Variants in NRCAM observed in about 807,000 individuals in gnomAD.
The protein encoded by NRCAM is neuronal cell adhesion molecule.
A neutral mutation model predicts 156.5 loss-of-function variants in NRCAM; 83 were observed. The observed-to-expected ratio is 0.53, with a 90% CI of 0.44 to 0.64. The LOEUF is 0.64. Among genes scored for constraint, NRCAM ranks in the 30% least tolerant of loss-of-function variants. The pLI, the probability that NRCAM is intolerant of heterozygous loss-of-function variation, is 0.00. For missense variants in NRCAM, 1,417 were observed against 1,597.3 expected (o/e 0.89, Z 1.92); for synonymous variants, 538 against 563.9 (o/e 0.95, Z 0.65).
intron 1 of NRCAM, among the ~76,000 whole-genome samples, chr7:108,420,588 G>C (rs959802655): frequency 2.0e-5 from 3 of 152,236 alleles, no homozygotes; most frequent in Admixed American, 1.3e-4. Context: ...AACATTTCCT[G>C]TCTCCGTAAG....
chr7:108,278,605 A>G (rs955390903), intron 3 of NRCAM, among the ~76,000 whole-genome samples: 1 of 152,218 alleles, frequency 6.6e-6, no homozygotes, highest in African/African-American at 2.4e-5. Context: ...TGTGAAGACC[A>G]TAGGAAAAGC....
At chr7:108,408,966 ATTAGGTGAATGGAGCCC>A (rs1472684648) in intron 1 of NRCAM, among the ~76,000 whole-genome samples, 1 of 152,160 alleles carries the variant, frequency 6.6e-6, no homozygotes, top group African/African-American at 2.4e-5. Context: ...GCAAAATGAA[ATTAGGTGAATGGAGCCC>A]TTAAGCTGGG....
At chr7:108,166,016 TTTTC>T (rs1201157952) in intron 30 of NRCAM, among the ~76,000 whole-genome samples, 1 of 152,232 alleles carries the variant, frequency 6.6e-6, no homozygotes, top group Non-Finnish European at 1.5e-5. Flanking sequence ...ACATGAACAT[TTTTC>T]TTTATTTTAG....
chr7:108,198,628 G>C (rs1477512656), intron 13 of NRCAM, among the ~76,000 whole-genome samples: 1 of 152,180 alleles, frequency 6.6e-6, no homozygotes, highest in Non-Finnish European at 1.5e-5. Context: ...AATAGCAAAA[G>C]CTAGTAAAAA....
At chr7:108,175,271 C>G in intron 28 of NRCAM, 51 bp downstream of exon 28, 2 of 1,484,788 alleles carry the variant, frequency 1.3e-6, no homozygotes, top group Non-Finnish European at 1.8e-6. Flanking sequence ...CCCCATGTTT[C>G]ACATTGCAAA....
At chr7:108,192,515 T>C (rs149659519) in intron 17 of NRCAM, among the ~76,000 whole-genome samples, 5 of 152,250 alleles carry the variant, frequency 3.3e-5, no homozygotes, top group Non-Finnish European at 5.9e-5. Context: ...CTGTCTTCCA[T>C]GAAACCAGTC....
chr7:108,368,387 A>G (rs1262060195), intron 2 of NRCAM, among the ~76,000 whole-genome samples: 3 of 152,168 alleles, frequency 2.0e-5, no homozygotes, highest in African/African-American at 7.2e-5. Context: ...GTCAGAAACC[A>G]TCTGACTTGC....
At chr7:108,352,310 A>T (rs980878024) in intron 2 of NRCAM, among the ~76,000 whole-genome samples, 2 of 152,238 alleles carry the variant, frequency 1.3e-5, no homozygotes, top group African/African-American at 4.8e-5. Context: ...TATTAAGAGC[A>T]TCTTAATTAC....
intron 28 of NRCAM, among the ~76,000 whole-genome samples, chr7:108,173,646 A>G (rs1443680919): frequency 6.6e-6 from 1 of 152,196 alleles, no homozygotes; most frequent in East Asian, 1.9e-4. Flanking sequence ...CCATATTAAA[A>G]TTAAGGTCAG....
chr7:108,272,649 A>G (rs2097405547), intron 3 of NRCAM, among the ~76,000 whole-genome samples: 1 of 151,904 alleles, frequency 6.6e-6, no homozygotes, highest in African/African-American at 2.4e-5. Context: ...TAGAATTTTG[A>G]TTTTAAAAAG....
chr7:108,154,546 G>C (rs1160395300), intron 32 of NRCAM, among the ~76,000 whole-genome samples: 3 of 151,966 alleles, frequency 2.0e-5, no homozygotes, highest in Non-Finnish European at 4.4e-5. Flanking sequence ...TGGTGGAGGA[G>C]AGAATCAACA....
intron 4 of NRCAM, among the ~76,000 whole-genome samples, chr7:108,238,942 TAATA>T (rs969397176): frequency 5.3e-5 from 8 of 151,856 alleles, no homozygotes; most frequent in East Asian, 1.9e-4. Context: ...ATAATAATAA[TAATA>T]AATAAATAAA....
chr7:108,397,501 G>T (rs1239136535), intron 2 of NRCAM, among the ~76,000 whole-genome samples: 1 of 152,170 alleles, frequency 6.6e-6, no homozygotes, highest in Non-Finnish European at 1.5e-5. Context: ...CTCAAACAGT[G>T]CAGGCTCTGT....
At chr7:108,299,452 T>C (rs566373964) in intron 3 of NRCAM, among the ~76,000 whole-genome samples, 4 of 152,258 alleles carry the variant, frequency 2.6e-5, no homozygotes, top group African/African-American at 7.2e-5. Flanking sequence ...TCCAAGAATT[T>C]TTTTTCAGAT....
chr7:108,242,799 G>A (rs914861926), intron 3 of NRCAM, among the ~76,000 whole-genome samples: 5 of 152,120 alleles, frequency 3.3e-5, no homozygotes, highest in South Asian at 2.1e-4. Flanking sequence ...CTAATAAATT[G>A]TAACACTTGT....
At chr7:108,167,548 T>C (rs975255955) in intron 29 of NRCAM, among the ~76,000 whole-genome samples, 5 of 152,172 alleles carry the variant, frequency 3.3e-5, no homozygotes, top group African/African-American at 9.6e-5. Context: ...CAAGTACCGG[T>C]TTTTCTAAAG....
At chr7:108,181,622 T>TTC (rs2063529612) in intron 24 of NRCAM, among the ~76,000 whole-genome samples, 200 bp downstream of exon 24, 1 of 151,874 alleles carries the variant, frequency 6.6e-6, no homozygotes, top group East Asian at 1.9e-4. Context: ...AAACTTTTTT[T>TTC]TTTTTTAATT....
chr7:108,278,357 AGAGGCAGT>A (rs1032953199), intron 3 of NRCAM, among the ~76,000 whole-genome samples: 19 of 152,334 alleles, frequency 1.2e-4, no homozygotes, highest in African/African-American at 4.1e-4. Flanking sequence ...TGGTATCTAG[AGAGGCAGT>A]AAGCCTTGCT....
intron 3 of NRCAM, among the ~76,000 whole-genome samples, chr7:108,248,763 T>C (rs1365925893): frequency 6.6e-6 from 1 of 152,172 alleles, no homozygotes; most frequent in Non-Finnish European, 1.5e-5. Flanking sequence ...CCAGAAGTAG[T>C]CAATGACTCC....
Sources: gnomAD v4.1 joint callset for allele counts (sites outside exome capture counted in the v4.1 genomes callset) on GRCh38, gnomAD v4.1.1 for gene constraint, MANE v1.5 for transcripts, NCBI Gene and HGNC (gene_info 2026-07-23, HGNC 2026-07-21) for gene names.